The following VPS37A variants were observed in gnomAD, a reference collection of about 807,000 sequenced individuals.
VPS37A encodes VPS37A subunit of ESCRT-I.
In VPS37A, 30 loss-of-function variants were observed where a neutral mutation model predicts 49.8. That is an observed-to-expected ratio of 0.60 (90% confidence interval 0.45 to 0.82). VPS37A has a LOEUF of 0.82. Ranked by LOEUF, VPS37A falls within the 40% of genes least tolerant of loss-of-function variation. The pLI is 0.00. For missense variants in VPS37A, 593 were observed against 464.4 expected (o/e 1.28, Z -2.55); for synonymous variants, 195 against 160.6 (o/e 1.21, Z -1.62).
intron 5 of VPS37A, among the ~76,000 whole-genome samples, chr8:17,275,206 C>T (rs1417640397): frequency 1.3e-5 from 2 of 152,094 alleles, no homozygotes; most frequent in Non-Finnish European, 2.9e-5. Flanking sequence ...GTCAGTGCTC[C>T]TAGGGACCAA....
chr8:17,247,340 G>A lies in VPS37A; in HGVS notation c.96G>A (p.Leu32=). ...GCCTCCAGCAGCAGAAGCAGCGCCT[G>A]ATCGAGTCCCTCCGGAACTCACACT... The part of the protein sequence containing the change: ...LTSLQQQKQR[L]IESLRNSHSS... Residue 32 remains leucine, a synonymous_variant, in exon 1 of 12, where the codon CTG becomes CTA. Transcript: ENST00000324849. 1 of 1,523,516 alleles carries A rather than the reference G, an allele frequency of 6.6e-7. No homozygotes were observed. Among genetic ancestry groups the A allele is most frequent in the Non-Finnish European group, 8.8e-7 (1 of 1,130,892 alleles). 94.4% of individuals were successfully genotyped at this position (1,523,516 alleles called of 1,614,324 possible). A position where few individuals can be genotyped will look rare whatever the true frequency, so the allele number is the denominator to read the frequency against.
chr8:17,331,404 G>T, the VPS37A span: 1 of 1,033,526 alleles, frequency 9.7e-7, no homozygotes, highest in East Asian at 2.7e-5. Flanking sequence ...AACATAATAC[G>T]CTTATTTGAA....
chr8:17,285,718 T>A (rs1312110839), intron 10 of VPS37A, among the ~76,000 whole-genome samples: 1 of 152,182 alleles, frequency 6.6e-6, no homozygotes, highest in Non-Finnish European at 1.5e-5. Context: ...TGATTTCTGC[T>A]CCATTATTCT....
intron 1 of VPS37A, among the ~76,000 whole-genome samples, chr8:17,262,941 G>A (rs1245004232): frequency 6.6e-6 from 1 of 151,616 alleles, no homozygotes; most frequent in Non-Finnish European, 1.5e-5. Context: ...TGCACCTGTA[G>A]TCCCAGCTAC....
intron 4 of VPS37A, among the ~76,000 whole-genome samples, chr8:17,273,647 T>C (rs1814227658): frequency 6.6e-6 from 1 of 152,216 alleles, no homozygotes; most frequent in Non-Finnish European, 1.5e-5. Flanking sequence ...ATTACAGGCG[T>C]GTATTAGGGT....
downstream of VPS37A, chr8:17,302,174 C>G (rs1490223869): frequency 6.2e-7 from 1 of 1,614,134 alleles, no homozygotes; most frequent in Non-Finnish European, 8.5e-7. Context: ...GCCTCTAGTT[C>G]TTCCTCTAGC....
At chr8:17,279,640 T>G (rs1814847243) in intron 6 of VPS37A, 1 of 316,272 alleles carries the variant, frequency 3.2e-6, no homozygotes, top group Non-Finnish European at 6.2e-6. Context: ...TGTCCTATTT[T>G]AAGAAACCTA....
At chr8:17,308,277 A>C in the VPS37A span, among the ~76,000 whole-genome samples, 1 of 152,194 alleles carries the variant, frequency 6.6e-6, no homozygotes, top group East Asian at 1.9e-4. Flanking sequence ...TCTGTCTCCT[A>C]TCTTGGAGAT....
intron 6 of VPS37A, among the ~76,000 whole-genome samples, 199 bp downstream of exon 6, chr8:17,276,666 G>A (rs1475454059): frequency 2.6e-5 from 4 of 152,044 alleles, no homozygotes; most frequent in African/African-American, 7.2e-5. Flanking sequence ...CATACTCAGG[G>A]ATTTTTATAG....
intron 4 of VPS37A, among the ~76,000 whole-genome samples, chr8:17,269,469 A>G (rs909938951): frequency 6.6e-6 from 1 of 152,022 alleles, no homozygotes; most frequent in Non-Finnish European, 1.5e-5. Flanking sequence ...GATCATCTTC[A>G]TTTTCCACAT....
intron 4 of VPS37A, 113 bp downstream of exon 4, chr8:17,269,069 C>G (rs1813737378): frequency 1.4e-6 from 1 of 698,262 alleles, no homozygotes; most frequent in Non-Finnish European, 2.3e-6. Context: ...TTCTACATCC[C>G]CACAAATACA....
At chr8:17,285,887 G>C (rs1054166992) in intron 10 of VPS37A, among the ~76,000 whole-genome samples, 1 of 152,152 alleles carries the variant, frequency 6.6e-6, no homozygotes. Context: ...GTAGGCGAAG[G>C]CTGTCTTCCA....
chr8:17,263,009 C>T (rs1813100959), intron 1 of VPS37A, among the ~76,000 whole-genome samples: 5 of 149,362 alleles, frequency 3.3e-5, no homozygotes, highest in Admixed American at 2.7e-4. Context: ...TGCAGTGAGC[C>T]GAGATCTCGC....
At chr8:17,250,936 A>G (rs754803937) in intron 1 of VPS37A, among the ~76,000 whole-genome samples, 2 of 152,180 alleles carry the variant, frequency 1.3e-5, no homozygotes, top group African/African-American at 2.4e-5. Flanking sequence ...GGCTCAAGTA[A>G]TATGTTCTCT....
chr8:17,327,576 C>T, the VPS37A span, among the ~76,000 whole-genome samples: 9 of 152,156 alleles, frequency 5.9e-5, no homozygotes, highest in Non-Finnish European at 8.8e-5. Context: ...AGCCTCCATG[C>T]CCTTCCTGTA....
In VPS37A at chr8:17,297,061, A is replaced by G. The variant is rs765741987; in HGVS notation, c.*2075A>G. On this transcript the variant is annotated 3_prime_UTR_variant, in exon 12 of 12. Transcript: ENST00000324849. ...GACCATTTTTTCTAATTTTATGGCT[A>G]TATATTTTCTTCATAAAAATTGGTC... 1.1e-4 allele frequency: 16 copies of G among 152,306 alleles called. No individual in the cohort carries two copies. Among genetic ancestry groups the G allele is most frequent in the South Asian group, 2.1e-4 (1 of 4,828 alleles). The allele number at this position is 152,306 out of a possible 1,614,324, so 9.4% of individuals were successfully genotyped here. A position where few individuals can be genotyped will look rare whatever the true frequency, so the allele number is the denominator to read the frequency against.
At chr8:17,256,289 G>GTTTT (rs1405488050) in intron 1 of VPS37A, among the ~76,000 whole-genome samples, 1 of 75,384 alleles carries the variant, frequency 1.3e-5, no homozygotes, top group African/African-American at 7.5e-5. Context: ...GGGGTAAAAT[G>GTTTT]ATTTTTTTTT....
intron 2 of VPS37A, 53 bp downstream of exon 2, chr8:17,266,034 T>A: frequency 6.7e-7 from 1 of 1,487,260 alleles, no homozygotes; most frequent in East Asian, 2.3e-5. Context: ...ACAGTTTTTT[T>A]ATTGTTTCTT....
chr8:17,262,862 A>G (rs1314811031), intron 1 of VPS37A, among the ~76,000 whole-genome samples: 1 of 152,060 alleles, frequency 6.6e-6, no homozygotes, highest in East Asian at 1.9e-4. Context: ...AGAGATTGAG[A>G]TCATCCTGGC....
Sources: gnomAD v4.1 joint callset for allele counts (sites outside exome capture counted in the v4.1 genomes callset) on GRCh38, gnomAD v4.1.1 for gene constraint, MANE v1.5 for transcripts, NCBI Gene and HGNC (gene_info 2026-07-23, HGNC 2026-07-21) for gene names.